The following NBDY variants were observed in gnomAD, a reference collection of about 807,000 sequenced individuals.
NBDY encodes the protein negative regulator of P-body association.
intron 2 of NBDY, among the ~76,000 whole-genome samples, chrX:56,809,526 T>C (rs1033760931): frequency 2.7e-5 from 3 of 112,332 alleles, no homozygotes; most frequent in Admixed American, 1.9e-4. Flanking sequence ...TCTTTGTCTC[T>C]TTTGATCTTT....
At chrX:56,805,466 T>C (rs948311865) in intron 2 of NBDY, among the ~76,000 whole-genome samples, 6 of 112,492 alleles carry the variant, frequency 5.3e-5, no homozygotes, top group Non-Finnish European at 9.4e-5. Flanking sequence ...GATCCCATTG[T>C]CTAGACAACT....
At chrX:56,767,886 G>A (rs1377171313) in intron 2 of NBDY, among the ~76,000 whole-genome samples, 1 of 68,221 alleles carries the variant, frequency 1.5e-5, no homozygotes, top group Non-Finnish European at 2.7e-5. Context: ...AGGGAGGGTG[G>A]TGTGGGACCC....
chrX:56,807,133 G>A (rs1036965821), intron 2 of NBDY, among the ~76,000 whole-genome samples: 5 of 111,804 alleles, frequency 4.5e-5, no homozygotes, highest in African/African-American at 1.6e-4. Flanking sequence ...TAGATGTGTG[G>A]TGTTATTTCT....
intron 2 of NBDY, among the ~76,000 whole-genome samples, chrX:56,795,413 G>A (rs902504540): frequency 1.8e-5 from 2 of 112,138 alleles, no homozygotes; most frequent in African/African-American, 3.2e-5. Flanking sequence ...GTTGGGATGC[G>A]AAGCCATGAC....
chrX:56,782,334 CTCTTCTTTTGCCTCT>C (rs1270504056), intron 2 of NBDY, among the ~76,000 whole-genome samples: 1 of 109,738 alleles, frequency 9.1e-6, no homozygotes, highest in Non-Finnish European at 1.9e-5. Flanking sequence ...TTTCCTTCTC[CTCTTCTTTTGCCTCT>C]TCTTCTTTTT....
chrX:56,759,165 C>A (rs1490215710), intron 2 of NBDY, among the ~76,000 whole-genome samples: 1 of 112,415 alleles, frequency 8.9e-6, no homozygotes, highest in South Asian at 3.7e-4. Flanking sequence ...GTGGTAATCT[C>A]AACCAGGAGC....
intron 2 of NBDY, among the ~76,000 whole-genome samples, chrX:56,762,890 C>G (rs1462608877): frequency 8.9e-6 from 1 of 111,887 alleles, no homozygotes; most frequent in African/African-American, 3.3e-5. Flanking sequence ...CAGACACACA[C>G]AAACACACAC....
At chrX:56,755,644 G>A (rs2069606678) in intron 2 of NBDY, among the ~76,000 whole-genome samples, 2 of 111,327 alleles carry the variant, frequency 1.8e-5, no homozygotes, top group Non-Finnish European at 1.9e-5. Context: ...GGAAACAACA[G>A]GTGCTGGAGA....
Position 56,806,228 on chromosome X carries a change from A to G in NBDY, c.*167-11092A>G, listed in dbSNP as rs754274492. On this transcript the variant is annotated intron_variant, in intron 2 of 2. Coordinates refer to ENST00000374922, the MANE Select transcript of NBDY (RefSeq NM_001348129.2). The stretch of plus-strand genomic sequence containing the variant: ...TTTATCCATCTTATCATTGATGGGC[A>G]TTTGGGTTGGTTCCAAGTCTTTGCT... 1.3e-4 allele frequency among the ~76,000 whole-genome samples: 15 copies of G among 112,260 alleles called. No individual in the cohort carries two copies. In the South Asian group the frequency reaches 5.6e-3, roughly 42 times the overall value.
intron 2 of NBDY, among the ~76,000 whole-genome samples, chrX:56,796,214 C>T (rs1410863790): frequency 1.8e-5 from 2 of 111,998 alleles, no homozygotes; most frequent in East Asian, 5.6e-4. Context: ...GGCCTCTGTG[C>T]GGATGTGGTG....
intron 2 of NBDY, among the ~76,000 whole-genome samples, chrX:56,762,117 C>A (rs955640170): frequency 9.0e-6 from 1 of 111,431 alleles, no homozygotes; most frequent in Non-Finnish European, 1.9e-5. Flanking sequence ...TGGGATGTCA[C>A]TGTTGTCTCT....
At chrX:56,751,826 T>C (rs1349159751) in intron 2 of NBDY, among the ~76,000 whole-genome samples, 2 of 112,524 alleles carry the variant, frequency 1.8e-5, no homozygotes, top group Non-Finnish European at 3.8e-5. Context: ...CGCAGGTTTA[T>C]TACATGGATG....
chrX:56,814,517 G>A (rs2069902189), intron 2 of NBDY, among the ~76,000 whole-genome samples: 2 of 106,501 alleles, frequency 1.9e-5, no homozygotes, highest in African/African-American at 6.9e-5. Flanking sequence ...TTCTGAGAGG[G>A]AGTCTCGCTC....
rs2069447061 is a variant in NBDY at position 56,729,526 on chromosome X, G to T, written c.173G>T (p.Gly58Val). The T allele has an allele frequency of 3.4e-6, 1 of 297,960 alleles. No homozygotes were observed. The highest frequency in any genetic ancestry group is 2.0e-4 in the South Asian group (1 of 5,041). The allele number at this position is 297,960 out of a possible 1,213,427, so 24.6% of individuals were successfully genotyped here. The change falls in exon 1 of 3, where the codon GGC (glycine) becomes GTC (valine). Residue 58 changes from glycine to valine, a missense_variant. Coordinates refer to ENST00000374922, the MANE Select transcript of NBDY (RefSeq NM_001348129.2). ...LPSAPPPASA[G>V]LKSHPPPPEK ...TCCGCACCTCCTCCTGCATCAGCCG[G>T]CCTGAAGTCGCACCCTCCTCCTCCG...
chrX:56,754,540 G>A (rs777260776), intron 2 of NBDY, among the ~76,000 whole-genome samples: 8 of 112,210 alleles, frequency 7.1e-5, no homozygotes, highest in Non-Finnish European at 1.3e-4. Context: ...AATGACAATG[G>A]AAGGAATCTA....
chrX:56,799,812 C>G (rs1390333529), intron 2 of NBDY, among the ~76,000 whole-genome samples: 1 of 112,828 alleles, frequency 8.9e-6, no homozygotes, highest in Non-Finnish European at 1.9e-5. Flanking sequence ...ACCTCATCTT[C>G]AACAGGGCTC....
chrX:56,805,928 G>A (rs998750273), intron 2 of NBDY, among the ~76,000 whole-genome samples: 9 of 110,713 alleles, frequency 8.1e-5, no homozygotes, highest in East Asian at 5.6e-4. Context: ...CCATCAACTC[G>A]TCACCTACAT....
chrX:56,817,175 C>A (rs1334286481), intron 2 of NBDY, 145 bp from the exon 3 acceptor site: 1 of 111,849 alleles, frequency 8.9e-6, no homozygotes, highest in Non-Finnish European at 1.9e-5. Flanking sequence ...ATTTATTAAG[C>A]ACTCATCTAA....
intron 2 of NBDY, among the ~76,000 whole-genome samples, chrX:56,801,683 G>A (rs1343883730): frequency 9.0e-6 from 1 of 110,675 alleles, no homozygotes; most frequent in Admixed American, 9.6e-5. Context: ...GTGTAATCCT[G>A]AGCCAGCAGG....
Sources: allele counts gnomAD v4.1 joint callset (sites outside exome capture counted in the v4.1 genomes callset), GRCh38; gene constraint gnomAD v4.1.1; transcripts MANE v1.5; gene names NCBI Gene and HGNC (gene_info 2026-07-23, HGNC 2026-07-21).